Variants in PDE4B observed in about 807,000 individuals in gnomAD.
The protein encoded by PDE4B is phosphodiesterase 4B, also known as 3',5'-cyclic-AMP phosphodiesterase 4B.
In PDE4B, 20 loss-of-function variants were observed where a neutral mutation model predicts 82.2. The ratio of observed to expected loss-of-function variants is 0.24; its 90% CI spans 0.17 to 0.35. PDE4B has a LOEUF of 0.35. Ranked by LOEUF, PDE4B falls within the 10% of genes least tolerant of loss-of-function variation. The pLI, the probability that PDE4B is intolerant of heterozygous loss-of-function variation, is 1.00. For synonymous variants in PDE4B, 320 were observed against 318.9 expected, an observed-to-expected ratio of 1.00 and a Z score of -0.04; for missense variants, 655 against 907.2, an observed-to-expected ratio of 0.72 and a Z score of 3.57.
intron 3 of PDE4B, among the ~76,000 whole-genome samples, chr1:65,931,909 C>T (rs1443617132): frequency 3.3e-5 from 5 of 152,210 alleles, no homozygotes; most frequent in African/African-American, 1.2e-4. Flanking sequence ...TGGAACCCAG[C>T]ATAATCTAGC....
chr1:65,906,356 G>A (rs1647027975), intron 1 of PDE4B, among the ~76,000 whole-genome samples: 6 of 152,110 alleles, frequency 3.9e-5, no homozygotes, highest in Admixed American at 3.9e-4. Flanking sequence ...AAACTCTCAG[G>A]TGTGGAGAGA....
At chr1:66,356,777 A>G (rs1339330848) in intron 9 of PDE4B, among the ~76,000 whole-genome samples, 1 of 152,200 alleles carries the variant, frequency 6.6e-6, no homozygotes, top group Non-Finnish European at 1.5e-5. Context: ...GTGGATGGTC[A>G]CCAGACGTGA....
chr1:66,272,931 C>T (rs1655614203), intron 7 of PDE4B, among the ~76,000 whole-genome samples: 1 of 151,540 alleles, frequency 6.6e-6, no homozygotes, highest in Non-Finnish European at 1.5e-5. Flanking sequence ...ACTGGGACTA[C>T]AGGACCCCAC....
In PDE4B at chr1:66,192,468, G is replaced by T. The variant is rs564834416; in HGVS notation, c.282-54992G>T. 2.0e-5 allele frequency among the ~76,000 whole-genome samples: 3 copies of T among 152,090 alleles called. No individual in the cohort carries two copies. In the South Asian group the frequency reaches 6.2e-4, roughly 32 times the overall value. Reference sequence around the variant, plus strand: ...TCTCACTGTACTGTCCTTACTGTTTGCTTGTCCATATCATGCTGTGCTTAC... The same window carrying T: ...TCTCACTGTACTGTCCTTACTGTTTTCTTGTCCATATCATGCTGTGCTTAC... On this transcript the variant is annotated intron_variant, in intron 3 of 16. Transcript: ENST00000341517.
chr1:66,156,969 T>G (rs1028424788), intron 3 of PDE4B, among the ~76,000 whole-genome samples: 2 of 152,208 alleles, frequency 1.3e-5, no homozygotes, highest in African/African-American at 4.8e-5. Flanking sequence ...TGAAAGCTGA[T>G]GGCTCCCAAT....
chr1:65,990,044 A>G (rs964679754), intron 3 of PDE4B, among the ~76,000 whole-genome samples: 1 of 152,000 alleles, frequency 6.6e-6, no homozygotes, highest in African/African-American at 2.4e-5. Context: ...TGGTATTCCT[A>G]TCTTTTTTCT....
intron 3 of PDE4B, among the ~76,000 whole-genome samples, chr1:66,042,296 G>T (rs940656955): frequency 2.0e-5 from 3 of 151,750 alleles, no homozygotes; most frequent in Non-Finnish European, 2.9e-5. Flanking sequence ...AAGGAAGCTA[G>T]ATTACTATGA....
chr1:65,974,218 CTT>C (rs1650291351), intron 3 of PDE4B, among the ~76,000 whole-genome samples: 1 of 152,118 alleles, frequency 6.6e-6, no homozygotes, highest in East Asian at 1.9e-4. Flanking sequence ...TAATAAAGTA[CTT>C]TTAATAAACT....
At chr1:65,957,024 A>AT (rs1188925345) in intron 3 of PDE4B, among the ~76,000 whole-genome samples, 1 of 151,424 alleles carries the variant, frequency 6.6e-6, no homozygotes, top group South Asian at 2.1e-4. Context: ...TTTGCTCTTT[A>AT]TTTTTTTATT....
At chr1:65,969,029 T>A (rs2997089) in intron 3 of PDE4B, among the ~76,000 whole-genome samples, 148,965 of 152,230 alleles carry the variant, frequency 0.98, 72,968 homozygotes, top group Middle Eastern at 1. Flanking sequence ...ATGTAACAAA[T>A]TATCTCATTT....
At chr1:65,933,229 A>G (rs1301229541) in intron 3 of PDE4B, among the ~76,000 whole-genome samples, 1 of 152,228 alleles carries the variant, frequency 6.6e-6, no homozygotes, top group African/African-American at 2.4e-5. Flanking sequence ...GTCATGTACA[A>G]GGGATTTCCC....
At chr1:65,928,509 C>A (rs1435027077) in intron 3 of PDE4B, among the ~76,000 whole-genome samples, 2 of 152,168 alleles carry the variant, frequency 1.3e-5, no homozygotes, top group African/African-American at 4.8e-5. Context: ...CACCACTTGG[C>A]TCCTGCCACC....
chr1:66,218,029 T>G (rs1650640230), intron 3 of PDE4B, among the ~76,000 whole-genome samples: 1 of 152,092 alleles, frequency 6.6e-6, no homozygotes, highest in African/African-American at 2.4e-5. Context: ...GATGATTTGA[T>G]GGAGGAGAAA....
In PDE4B at chr1:66,372,637, A is replaced by G. The variant is rs1251001463; in HGVS notation, c.2170A>G (p.Ile724Val). Residue 724 changes from isoleucine (I) to valine (V), a missense_variant, in exon 17 of 17, where the codon ATA becomes GTA. Coordinates refer to ENST00000341517, the MANE Select transcript of PDE4B (RefSeq NM_002600.4). ...CAGAGATTCCCTGGGAGAGACTGACATAGACATTGCAACAGAAGACAAGTC... is the reference window on the plus strand; with the variant it reads ...CAGAGATTCCCTGGGAGAGACTGACGTAGACATTGCAACAGAAGACAAGTC... ...ENRDSLGETD[I>V]DIATEDKSPV... 6.2e-7 allele frequency: 1 copy of G among 1,614,032 alleles called. No individual in the cohort carries two copies. Among genetic ancestry groups the G allele is most frequent in the Non-Finnish European group, 8.5e-7 (1 of 1,179,876 alleles).
At chr1:65,806,268 A>G (rs1461082932) in intron 1 of PDE4B, among the ~76,000 whole-genome samples, 1 of 152,146 alleles carries the variant, frequency 6.6e-6, no homozygotes, top group Non-Finnish European at 1.5e-5. Flanking sequence ...AATTTCTATT[A>G]CTTCTTAGTG....
chr1:66,015,125 T>A (rs937739958), intron 3 of PDE4B, among the ~76,000 whole-genome samples: 8 of 152,200 alleles, frequency 5.3e-5, no homozygotes, highest in Non-Finnish European at 1.5e-5. Flanking sequence ...CCTTTAAGAC[T>A]GTTCTTCTCA....
chr1:66,032,538 A>G (rs752383090), intron 3 of PDE4B, among the ~76,000 whole-genome samples: 1 of 152,176 alleles, frequency 6.6e-6, no homozygotes, highest in East Asian at 1.9e-4. Flanking sequence ...CACGTAAAAT[A>G]GTTTCACAAG....
chr1:65,990,269 A>G (rs1329054490), intron 3 of PDE4B, among the ~76,000 whole-genome samples: 1 of 152,136 alleles, frequency 6.6e-6, no homozygotes, highest in Non-Finnish European at 1.5e-5. Flanking sequence ...TTATGTCAAC[A>G]TTTCTTTATC....
intron 1 of PDE4B, among the ~76,000 whole-genome samples, chr1:65,836,454 T>G (rs1275443921): frequency 6.6e-6 from 1 of 152,198 alleles, no homozygotes; most frequent in Non-Finnish European, 1.5e-5. Flanking sequence ...GTCTGTTGTT[T>G]AGCATCCAGT....
Sources: allele counts gnomAD v4.1 joint callset (sites outside exome capture counted in the v4.1 genomes callset), GRCh38; gene constraint gnomAD v4.1.1; transcripts MANE v1.5; gene names NCBI Gene and HGNC (gene_info 2026-07-23, HGNC 2026-07-21).